Variants in FHIT observed in about 807,000 individuals in gnomAD.
The protein encoded by FHIT is bis(5'-adenosyl)-triphosphatase.
Under a neutral mutation model 17.9 loss-of-function variants are expected in FHIT, and 19 were observed. The ratio of observed to expected loss-of-function variants is 1.06; its 90% CI spans 0.74 to 1.56. The LOEUF (loss-of-function observed/expected upper bound fraction) is 1.56, where lower values mean the gene tolerates loss of function less well. Ranked by LOEUF, FHIT falls within the 40% of genes most tolerant of loss-of-function variation. FHIT has a pLI of 0.00. For synonymous variants in FHIT, 81 were observed against 69.7 expected, an observed-to-expected ratio of 1.16 and a Z score of -0.81; for missense variants, 248 against 189.2, an observed-to-expected ratio of 1.31 and a Z score of -1.82.
chr3:59,908,346 C>A (rs976191650), intron 8 of FHIT, among the ~76,000 whole-genome samples: 1 of 152,146 alleles, frequency 6.6e-6, no homozygotes, highest in Non-Finnish European at 1.5e-5. Flanking sequence ...CAGGTCTTAG[C>A]AAAGTATGTA....
chr3:60,572,217 G>A (rs532054189), intron 4 of FHIT, among the ~76,000 whole-genome samples: 10 of 152,132 alleles, frequency 6.6e-5, no homozygotes, highest in African/African-American at 1.9e-4. Flanking sequence ...AGACTGCTTT[G>A]AAACTGATAT....
At chr3:61,083,521 A>C (rs1363330969) in intron 2 of FHIT, among the ~76,000 whole-genome samples, 2 of 152,074 alleles carry the variant, frequency 1.3e-5, no homozygotes, top group African/African-American at 2.4e-5. Context: ...ACCTGGGAGG[A>C]GGAGCTTGCA....
chr3:60,108,656 G>C (rs1704532563), intron 5 of FHIT, among the ~76,000 whole-genome samples: 2 of 141,238 alleles, frequency 1.4e-5, no homozygotes, highest in African/African-American at 5.2e-5. Flanking sequence ...TCCTGTCCCA[G>C]TTACTTCTCT....
intron 4 of FHIT, among the ~76,000 whole-genome samples, chr3:60,625,313 A>T (rs1190031351): frequency 3.3e-5 from 5 of 152,176 alleles, no homozygotes; most frequent in Admixed American, 2.0e-4. Flanking sequence ...CTACAGGTGG[A>T]ATTGCTGAAT....
At chr3:60,306,169 T>G (rs908763298) in intron 5 of FHIT, among the ~76,000 whole-genome samples, 1 of 152,136 alleles carries the variant, frequency 6.6e-6, no homozygotes, top group African/African-American at 2.4e-5. Context: ...ATAGGAGAAT[T>G]TTATTAACTC....
chr3:59,800,380 C>T lies in FHIT; in HGVS notation c.349-48059G>A, dbSNP rs566825512. ...TGATCATAAACACACACAAAGTCTTCGCCTCACACCTGCTTTATGGTAAAA... is the reference window on the plus strand; with the variant it reads ...TGATCATAAACACACACAAAGTCTTTGCCTCACACCTGCTTTATGGTAAAA... On this transcript the variant is annotated intron_variant, in intron 8 of 9. Coordinates refer to ENST00000492590, the MANE Select transcript of FHIT (RefSeq NM_002012.4). Among the ~76,000 whole-genome samples, 515 of 152,278 alleles carry T rather than the reference C, an allele frequency of 3.4e-3. 3 individuals carry two copies. Among genetic ancestry groups the T allele is most frequent in the Non-Finnish European group, 3.9e-3 (268 of 68,022 alleles).
intron 5 of FHIT, among the ~76,000 whole-genome samples, chr3:60,174,836 C>T (rs1360581321): frequency 6.6e-6 from 1 of 152,014 alleles, no homozygotes; most frequent in Non-Finnish European, 1.5e-5. Context: ...TTTCCCCAGC[C>T]CCTAGAAATG....
At chr3:60,352,508 AT>A (rs1256394410) in intron 5 of FHIT, among the ~76,000 whole-genome samples, 9 of 151,608 alleles carry the variant, frequency 5.9e-5, no homozygotes, top group Non-Finnish European at 2.9e-5. Context: ...CTTTTTTAAA[AT>A]TTTTTTTTAA....
At chr3:60,148,757 A>T (rs977711541) in intron 5 of FHIT, among the ~76,000 whole-genome samples, 1 of 152,218 alleles carries the variant, frequency 6.6e-6, no homozygotes, top group South Asian at 2.1e-4. Context: ...CTGGGTTTAC[A>T]TCCTTTGCTC....
rs577162221 is a variant in FHIT, at chr3:60,065,361, C to A, written c.104-51209G>T. 2.0e-5 allele frequency among the ~76,000 whole-genome samples: 3 copies of A among 152,132 alleles called. No homozygotes were observed. The South Asian group carries it at 6.2e-4, about 32-fold the overall frequency. Reference sequence around the variant, plus strand: ...CCATGTCACCGAGAGGCTTAACCTGCACTTACTTCTTTCATCTGTAAAATG... The same window carrying A: ...CCATGTCACCGAGAGGCTTAACCTGAACTTACTTCTTTCATCTGTAAAATG... On this transcript the variant is annotated intron_variant, in intron 5 of 9. Coordinates refer to ENST00000492590, the MANE Select transcript of FHIT (RefSeq NM_002012.4).
chr3:60,931,851 G>A (rs552253555), intron 3 of FHIT, among the ~76,000 whole-genome samples: 12 of 152,250 alleles, frequency 7.9e-5, no homozygotes, highest in African/African-American at 2.6e-4. Flanking sequence ...AATAATAAAA[G>A]GACACTTAAA....
At chr3:60,166,027 C>T (rs992420424) in intron 5 of FHIT, among the ~76,000 whole-genome samples, 1 of 151,888 alleles carries the variant, frequency 6.6e-6, no homozygotes, top group African/African-American at 2.4e-5. Flanking sequence ...ACACAAAAGG[C>T]CAATTTTTCT....
intron 2 of FHIT, among the ~76,000 whole-genome samples, chr3:61,048,756 A>G (rs550802723): frequency 6.0e-4 from 91 of 152,338 alleles, no homozygotes; most frequent in African/African-American, 2.1e-3. Context: ...CTGGATTAAG[A>G]AAATGTGGCA....
At chr3:60,777,786 T>G (rs782624483) in intron 4 of FHIT, among the ~76,000 whole-genome samples, 2 of 152,188 alleles carry the variant, frequency 1.3e-5, no homozygotes, top group African/African-American at 2.4e-5. Context: ...ATAAAACCCA[T>G]CTGATGAAAA....
intron 4 of FHIT, among the ~76,000 whole-genome samples, chr3:60,798,981 A>G (rs575046143): frequency 6.6e-6 from 1 of 152,044 alleles, no homozygotes; most frequent in Admixed American, 6.6e-5. Flanking sequence ...TGTTGGGATT[A>G]CAGGTGTACT....
intron 8 of FHIT, among the ~76,000 whole-genome samples, chr3:59,825,287 G>A (rs1227393586): frequency 6.6e-6 from 1 of 152,082 alleles, no homozygotes; most frequent in Non-Finnish European, 1.5e-5. Flanking sequence ...TTCAGACCTT[G>A]TCATTTTCTT....
At chr3:60,292,935 G>C (rs1454613489) in intron 5 of FHIT, among the ~76,000 whole-genome samples, 1 of 152,080 alleles carries the variant, frequency 6.6e-6, no homozygotes, top group Non-Finnish European at 1.5e-5. Context: ...ACATGTATAA[G>C]CATGCCTAAA....
chr3:59,768,100 G>C (rs1701890730), intron 8 of FHIT, among the ~76,000 whole-genome samples: 1 of 152,180 alleles, frequency 6.6e-6, no homozygotes, highest in South Asian at 2.1e-4. Flanking sequence ...CTACTAAAAA[G>C]GTCCCTCAAC....
chr3:60,283,236 C>T (rs1707551351), intron 5 of FHIT, among the ~76,000 whole-genome samples: 1 of 152,038 alleles, frequency 6.6e-6, no homozygotes, highest in Non-Finnish European at 1.5e-5. Flanking sequence ...TATATACACA[C>T]ACACACATAC....
Sources: allele counts gnomAD v4.1 joint callset (sites outside exome capture counted in the v4.1 genomes callset), GRCh38; gene constraint gnomAD v4.1.1; transcripts MANE v1.5; gene names NCBI Gene and HGNC (gene_info 2026-07-23, HGNC 2026-07-21).